The following ADAMTSL1 variants were observed in gnomAD, a reference collection of about 807,000 sequenced individuals.
The protein encoded by ADAMTSL1 is ADAMTS like 1, also known as ADAMTS-like protein 1.
In ADAMTSL1, 126 loss-of-function variants were observed where a neutral mutation model predicts 201.8. The observed-to-expected ratio is 0.62, with a 90% CI of 0.54 to 0.72. The LOEUF (loss-of-function observed/expected upper bound fraction) is 0.72. Ranked by LOEUF, ADAMTSL1 falls within the 30% of genes least tolerant of loss-of-function variation. ADAMTSL1 has a pLI of 0.00. For synonymous variants in ADAMTSL1, 1,121 were observed against 903.4 expected, an observed-to-expected ratio of 1.24 and a Z score of -4.32; for missense variants, 2,679 against 2,277.8, an observed-to-expected ratio of 1.18 and a Z score of -3.59.
chr9:18,170,191 T>G, intron 2 of ADAMTSL1, among the ~76,000 whole-genome samples: 1 of 152,076 alleles, frequency 6.6e-6, no homozygotes, highest in Middle Eastern at 3.2e-3. Flanking sequence ...CCTTTAAGTT[T>G]CACACATAAA....
intron 16 of ADAMTSL1, among the ~76,000 whole-genome samples, chr9:18,758,045 C>T (rs986715642): frequency 1.3e-5 from 2 of 152,142 alleles, no homozygotes; most frequent in Non-Finnish European, 2.9e-5. Flanking sequence ...ATGTGAGGAA[C>T]CTGAAGTATT....
At chr9:18,139,816 T>C (rs1228880450) in intron 1 of ADAMTSL1, among the ~76,000 whole-genome samples, 2 of 152,066 alleles carry the variant, frequency 1.3e-5, no homozygotes, top group Non-Finnish European at 2.9e-5. Context: ...ATTTCAAATA[T>C]ATATCTTGTG....
chr9:18,890,856 G>A (rs1338223098), intron 25 of ADAMTSL1: 2 of 300,698 alleles, frequency 6.7e-6, no homozygotes, highest in African/African-American at 4.4e-5. Flanking sequence ...GCAAAATGAA[G>A]AAGAGATCTT....
At position 18,700,246 on chromosome 9, in the gene ADAMTSL1, G is replaced by A. The variant is rs138062987; in HGVS notation, c.1575-6501G>A. On this transcript the variant is annotated intron_variant, in intron 13 of 28. Coordinates refer to ENST00000380548, the MANE Select transcript of ADAMTSL1 (RefSeq NM_001040272.6). ...ATTCCTAAAGTGATTCAATTGAAGA[G>A]TTTCCCTTCCATTATAGCATTCCAA... 8.8e-3 allele frequency among the ~76,000 whole-genome samples: 1,336 copies of A among 152,236 alleles called. 25 individuals are homozygous for A. Among genetic ancestry groups the A allele is most frequent in the African/African-American group, 0.03 (1,251 of 41,544 alleles).
chr9:18,770,580 C>T (rs1182484382), intron 16 of ADAMTSL1, 22 bp from the exon 17 acceptor site: 2 of 1,590,626 alleles, frequency 1.3e-6, no homozygotes, highest in Admixed American at 1.7e-5. Flanking sequence ...ACTTTTTCTT[C>T]TTTCCTTCTT....
At chr9:18,622,798 G>T (rs559710438) in intron 5 of ADAMTSL1, among the ~76,000 whole-genome samples, 6 of 152,250 alleles carry the variant, frequency 3.9e-5, no homozygotes, top group South Asian at 2.1e-4. Context: ...GGTGGTCTTT[G>T]GTCAGTACTA....
chr9:18,388,571 G>A (rs115854831), intron 2 of ADAMTSL1, among the ~76,000 whole-genome samples: 5,219 of 151,304 alleles, frequency 0.034, 106 homozygotes, highest in Middle Eastern at 0.075. Flanking sequence ...ACCATGTTCG[G>A]CCTGGACTTT....
intron 13 of ADAMTSL1, among the ~76,000 whole-genome samples, chr9:18,701,157 A>G (rs952276754): frequency 1.3e-5 from 2 of 151,920 alleles, no homozygotes; most frequent in Admixed American, 1.3e-4. Context: ...GGCTAAGACA[A>G]CCTAGGAAGA....
chr9:18,573,685 A>G (rs1822497729), intron 3 of ADAMTSL1, among the ~76,000 whole-genome samples: 1 of 152,230 alleles, frequency 6.6e-6, no homozygotes, highest in South Asian at 2.1e-4. Context: ...GGTTCTACTT[A>G]TGAGGAAGTC....
intron 2 of ADAMTSL1, among the ~76,000 whole-genome samples, chr9:18,517,673 G>GT (rs998551820): frequency 5.3e-5 from 8 of 151,072 alleles, no homozygotes; most frequent in Non-Finnish European, 1.2e-4. Context: ...GCAGTGTTTG[G>GT]TTTTTTGTTC....
chr9:18,775,701 T>C, intron 17 of ADAMTSL1, 42 bp from the exon 18 acceptor site: 1 of 1,599,148 alleles, frequency 6.3e-7, no homozygotes, highest in Non-Finnish European at 8.5e-7. Flanking sequence ...TAGCTTCTAG[T>C]TCCCAGAATT....
At chr9:18,379,198 C>G (rs931262510) in intron 2 of ADAMTSL1, among the ~76,000 whole-genome samples, 1 of 152,148 alleles carries the variant, frequency 6.6e-6, no homozygotes, top group Admixed American at 6.5e-5. Flanking sequence ...CAGACCAGAC[C>G]AAACCAAATG....
At chr9:18,433,500 C>A (rs1042070342) in intron 2 of ADAMTSL1, among the ~76,000 whole-genome samples, 2 of 152,068 alleles carry the variant, frequency 1.3e-5, no homozygotes, top group Non-Finnish European at 1.5e-5. Flanking sequence ...TTGAACTTCC[C>A]TGATGCGCTG....
In ADAMTSL1 at chr9:18,300,083, C is replaced by T. The variant is rs552509346; in HGVS notation, c.207+136102C>T. Reference sequence around the variant, plus strand: ...CCTCAAGGATCTAGAACTAGAAATACCATTTGACTCAGCAATCCCGTTACT... The same window carrying T: ...CCTCAAGGATCTAGAACTAGAAATATCATTTGACTCAGCAATCCCGTTACT... On this transcript the variant is annotated intron_variant, in intron 2 of 29. Transcript: ENST00000680146. Among the ~76,000 whole-genome samples, 31 of 152,284 alleles carry T rather than the reference C, an allele frequency of 2.0e-4. No homozygotes were observed. In the South Asian group the frequency reaches 5.2e-3, roughly 25 times the overall value.
At chr9:18,583,240 AC>A (rs1823233659) in intron 4 of ADAMTSL1, among the ~76,000 whole-genome samples, 1 of 152,114 alleles carries the variant, frequency 6.6e-6, no homozygotes, top group African/African-American at 2.4e-5. Context: ...CACCCTAGGG[AC>A]TTGGTGCCCT....
chr9:18,837,039 AT>A (rs1374641804), intron 23 of ADAMTSL1, among the ~76,000 whole-genome samples: 2 of 152,170 alleles, frequency 1.3e-5, no homozygotes, highest in Non-Finnish European at 2.9e-5. Context: ...ATGTATAATC[AT>A]ATAGTCAGTG....
intron 2 of ADAMTSL1, among the ~76,000 whole-genome samples, chr9:18,336,027 A>G (rs76274958): frequency 0.017 from 2,547 of 152,284 alleles, 70 homozygotes; most frequent in African/African-American, 0.059. Context: ...GCACAGTCTT[A>G]TATGAAGATG....
intron 17 of ADAMTSL1, among the ~76,000 whole-genome samples, chr9:18,773,304 C>T (rs2133732730): frequency 6.6e-6 from 1 of 152,290 alleles, no homozygotes; most frequent in African/African-American, 2.4e-5. Flanking sequence ...AAAGGCCATA[C>T]TTCTTTTCTC....
chr9:17,980,599 T>A (rs1818649926), intron 1 of ADAMTSL1, among the ~76,000 whole-genome samples: 1 of 151,978 alleles, frequency 6.6e-6, no homozygotes, highest in Non-Finnish European at 1.5e-5. Context: ...GATGGTGTGA[T>A]GGGGTTGGGA....
Sources: allele counts gnomAD v4.1 joint callset (sites outside exome capture counted in the v4.1 genomes callset), GRCh38; gene constraint gnomAD v4.1.1; transcripts MANE v1.5; gene names NCBI Gene and HGNC (gene_info 2026-07-23, HGNC 2026-07-21).